Variants in PLOD1 observed in about 807,000 individuals in gnomAD.
The protein encoded by PLOD1 is procollagen-lysine,2-oxoglutarate 5-dioxygenase 1, also known as lysine hydroxylase.
In PLOD1, 70 loss-of-function variants were observed where a neutral mutation model predicts 94.7. The observed-to-expected ratio is 0.74, with a 90% CI of 0.61 to 0.90. The LOEUF (loss-of-function observed/expected upper bound fraction) is 0.90, where lower values mean the gene tolerates loss of function less well. Among genes scored for constraint, PLOD1 ranks in the 40% least tolerant of loss-of-function variants. The probability of loss-of-function intolerance (pLI) is 0.00; values close to 1 mark genes in which losing one functional copy is unlikely to be tolerated. For synonymous variants in PLOD1, 417 were observed against 400.2 expected, an observed-to-expected ratio of 1.04 and a Z score of -0.50; for missense variants, 905 against 972.7, an observed-to-expected ratio of 0.93 and a Z score of 0.93.
intron 1 of PLOD1, among the ~76,000 whole-genome samples, chr1:11,936,644 T>C (rs1436091188): frequency 6.6e-6 from 1 of 152,016 alleles, no homozygotes; most frequent in African/African-American, 2.4e-5. Flanking sequence ...TGCGTCAGCC[T>C]CCCAAGTAGC....
In PLOD1 at chr1:11,957,840, AG is replaced by A; in HGVS notation, c.742-1del. On this transcript the variant is annotated splice_acceptor_variant, in intron 7 of 18. Coordinates refer to ENST00000196061, the MANE Select transcript of PLOD1 (RefSeq NM_000302.4). LOFTEE classifies it high-confidence loss of function. The surrounding 1 kb of genome is among the most constrained non-coding windows in gnomAD (Gnocchi z 4.1). The stretch of plus-strand genomic sequence containing the variant: ...CTCTGTGACCCCACGTCTCCCCGAC[AG>A]CTGCAGTTGAACTACCTGGGCAACT... 6 of 1,611,134 alleles carry A rather than the reference AG, an allele frequency of 3.7e-6. No homozygotes were observed. Among genetic ancestry groups the A allele is most frequent in the Non-Finnish European group, 5.1e-6 (6 of 1,177,230 alleles).
chr1:11,955,759 G>T (rs143566639), intron 6 of PLOD1, among the ~76,000 whole-genome samples: 2,630 of 152,140 alleles, frequency 0.017, 77 homozygotes, highest in African/African-American at 0.061. Flanking sequence ...AAGTAGCTGG[G>T]ATTACAGGCG....
intron 9 of PLOD1, among the ~76,000 whole-genome samples, chr1:11,960,222 G>A (rs1041160353): frequency 6.6e-6 from 1 of 151,842 alleles, no homozygotes; most frequent in Non-Finnish European, 1.5e-5. Context: ...TACCCGCCTC[G>A]GCCTCCCAAA....
chr1:11,942,045 C>G (rs1311702555), intron 1 of PLOD1, among the ~76,000 whole-genome samples: 2 of 149,410 alleles, frequency 1.3e-5, no homozygotes, highest in Non-Finnish European at 3.0e-5. Context: ...TACAGTGGCA[C>G]AACCCTGGCT....
intron 4 of PLOD1, 74 bp from the exon 5 acceptor site, chr1:11,952,549 G>C (rs1326858714): frequency 2.0e-6 from 2 of 1,012,014 alleles, no homozygotes; most frequent in Non-Finnish European, 3.2e-6. Context: ...AAGAGGGAAG[G>C]GTGGGAGGAG....
At chr1:11,967,595 G>GAAATATATATAGATTTTATT (rs1557498307) in intron 16 of PLOD1, among the ~76,000 whole-genome samples, 512 of 50,524 alleles carry the variant, frequency 0.01, 43 homozygotes, top group African/African-American at 0.055. Context: ...GTGTGTGTGT[G>GAAATATATATAGATTTTATT]TGTATATATA....
At chr1:11,938,626 C>T (rs1172137842) in intron 1 of PLOD1, among the ~76,000 whole-genome samples, 3 of 152,148 alleles carry the variant, frequency 2.0e-5, no homozygotes, top group African/African-American at 7.2e-5. Flanking sequence ...TTCCCTTTCC[C>T]TGGCAGATGG....
Position 11,948,083 on chromosome 1 carries a change from G to A in PLOD1, c.168+16G>A. 6.4e-7 allele frequency: 1 copy of A among 1,574,338 alleles called. No homozygotes were observed. Among genetic ancestry groups the A allele is most frequent in the Non-Finnish European group, 8.7e-7 (1 of 1,143,750 alleles). ...CAAGATCCAGGTAAGGGGTTTCCTG[G>A]GTGAGGCAGAGACAGTGAGGGGTGG... On this transcript the variant is annotated intron_variant, in intron 2 of 18. Transcript: ENST00000196061.
rs746658625 is a variant in PLOD1, at chr1:11,957,837, G to T, written c.742-5G>T. On this transcript the variant is annotated splice_region_variant and splice_polypyrimidine_tract_variant and intron_variant, in intron 7 of 18. Coordinates refer to ENST00000196061, the MANE Select transcript of PLOD1 (RefSeq NM_000302.4). This position sits in a 1 kb window ranked among gnomAD's most constrained non-coding sequence, Gnocchi z 4.1. Reference sequence around the variant, plus strand: ...CTTCTCTGTGACCCCACGTCTCCCCGACAGCTGCAGTTGAACTACCTGGGC... The same window carrying T: ...CTTCTCTGTGACCCCACGTCTCCCCTACAGCTGCAGTTGAACTACCTGGGC... 6.2e-7 allele frequency: 1 copy of T among 1,610,366 alleles called. No homozygotes were observed. Among genetic ancestry groups the T allele is most frequent in the Non-Finnish European group, 8.5e-7 (1 of 1,176,592 alleles).
At position 11,960,922 on chromosome 1, in the gene PLOD1, A is replaced by G. The variant is rs547939219; in HGVS notation, c.1097+155A>G. 1.6e-3 allele frequency among the ~76,000 whole-genome samples: 238 copies of G among 152,142 alleles called. 2 individuals carry two copies. The highest frequency in any genetic ancestry group is 5.5e-3 in the African/African-American group (230 of 41,488). On this transcript the variant is annotated intron_variant, in intron 10 of 18. Coordinates refer to ENST00000196061, the MANE Select transcript of PLOD1 (RefSeq NM_000302.4). The stretch of plus-strand genomic sequence containing the variant: ...CTGGGCCTTGGAGTTTCCATCTGTC[A>G]AAAGGGGAAATAGCCTCTGTCCTGC...
intron 1 of PLOD1, among the ~76,000 whole-genome samples, chr1:11,938,894 G>T (rs189760884): frequency 1.3e-5 from 2 of 152,236 alleles, no homozygotes; most frequent in Non-Finnish European, 2.9e-5. Flanking sequence ...ATCCTGGGGG[G>T]GCTTCCAGAA....
Position 11,957,172 on chromosome 1 carries a change from G to A in PLOD1, c.741+158G>A, listed in dbSNP as rs749205421. On this transcript the variant is annotated intron_variant, in intron 7 of 18. Coordinates refer to ENST00000196061, the MANE Select transcript of PLOD1 (RefSeq NM_000302.4). This position sits in a 1 kb window ranked among gnomAD's most constrained non-coding sequence, Gnocchi z 4.1. ...TCCTCACATCTGAGCTCAGCGTGAT[G>A]CCTTCTTTTCCTGCTGTGGTGGTCA... The A allele has an allele frequency of 2.0e-5, 15 of 767,054 alleles. No homozygotes were observed. The highest frequency in any genetic ancestry group is 3.4e-5 in the Non-Finnish European group (14 of 410,560). 47.5% of individuals were successfully genotyped at this position (767,054 alleles called of 1,614,324 possible).
At chr1:11,942,221 G>A (rs1645620554) in intron 1 of PLOD1, among the ~76,000 whole-genome samples, 1 of 152,008 alleles carries the variant, frequency 6.6e-6, no homozygotes, top group Non-Finnish European at 1.5e-5. Context: ...GATCTCAACT[G>A]ATCTGCCTGC....
Position 11,939,486 on chromosome 1 carries a change from T to TG in PLOD1, c.76+4635dup, listed in dbSNP as rs1645601666. Among the ~76,000 whole-genome samples, 3 of 152,058 alleles carry TG rather than the reference T, an allele frequency of 2.0e-5. 1 individual carries two copies. In the South Asian group the frequency reaches 6.2e-4, roughly 32 times the overall value. On this transcript the variant is annotated intron_variant, in intron 1 of 18. Transcript: ENST00000196061. ...ACCCACGCCTTGGGCTGGGACTGCTTGGGGAGGAGGGGGCATCCGGTGGCA... is the reference window on the plus strand; with the variant it reads ...ACCCACGCCTTGGGCTGGGACTGCTTGGGGGAGGAGGGGGCATCCGGTGGCA...
At chr1:11,956,389 A>T (rs1241902755) in intron 6 of PLOD1, among the ~76,000 whole-genome samples, 1 of 152,130 alleles carries the variant, frequency 6.6e-6, no homozygotes, top group African/African-American at 2.4e-5. Flanking sequence ...ATTTCTAAAA[A>T]ACAAAAAACA....
intron 3 of PLOD1, 106 bp downstream of exon 3, chr1:11,950,012 G>C: frequency 1.7e-6 from 2 of 1,201,372 alleles, no homozygotes; most frequent in South Asian, 2.4e-5. Flanking sequence ...GACCACTCTA[G>C]CTAAGGTTGC....
intron 1 of PLOD1, among the ~76,000 whole-genome samples, chr1:11,944,232 C>CA (rs553000557): frequency 0.016 from 2,259 of 140,394 alleles, 45 homozygotes; most frequent in African/African-American, 0.055. Context: ...GACTCTGTCT[C>CA]AAAAAAAAAA....
At chr1:11,935,326 A>G (rs1645570568) in intron 1 of PLOD1, among the ~76,000 whole-genome samples, 1 of 151,976 alleles carries the variant, frequency 6.6e-6, no homozygotes, top group South Asian at 2.1e-4. Context: ...CTGGTTCCAG[A>G]GCCAGGAGGC....
chr1:11,956,384 TAAAAAAC>T (rs1242668896), intron 6 of PLOD1, among the ~76,000 whole-genome samples: 2 of 152,024 alleles, frequency 1.3e-5, no homozygotes, highest in South Asian at 2.1e-4. Flanking sequence ...ACTCCATTTC[TAAAAAAC>T]AAAAAACAAA....
Sources: gnomAD v4.1 joint callset for allele counts (sites outside exome capture counted in the v4.1 genomes callset) on GRCh38, gnomAD v4.1.1 for gene constraint, Gnocchi (gnomAD v3.1) non-coding constraint, MANE v1.5 for transcripts, NCBI Gene and HGNC (gene_info 2026-07-23, HGNC 2026-07-21) for gene names.